Variants in NMT2 observed in about 807,000 individuals in gnomAD.
NMT2 encodes the protein N-myristoyltransferase 2, also known as glycylpeptide N-tetradecanoyltransferase 2.
Under a neutral mutation model 65.4 loss-of-function variants are expected in NMT2, and 35 were observed. That is an observed-to-expected ratio of 0.54 (90% CI 0.41 to 0.71). The LOEUF (loss-of-function observed/expected upper bound fraction) is 0.71. Ranked by LOEUF, NMT2 falls within the 30% of genes least tolerant of loss-of-function variation. The probability of loss-of-function intolerance (pLI) is 0.00; values close to 1 mark genes in which losing one functional copy is unlikely to be tolerated. For synonymous variants in NMT2, 226 were observed against 231.8 expected, an observed-to-expected ratio of 0.98 and a Z score of 0.23; for missense variants, 489 against 611.3, an observed-to-expected ratio of 0.80 and a Z score of 2.11.
intron 9 of NMT2, among the ~76,000 whole-genome samples, chr10:15,116,770 A>G (rs536756237): frequency 7.0e-6 from 1 of 143,730 alleles, no homozygotes; most frequent in African/African-American, 2.8e-5. Context: ...TAAAAGGATA[A>G]CAAGGGAATA....
chr10:15,133,963 T>G (rs931166714), intron 3 of NMT2, among the ~76,000 whole-genome samples: 3 of 152,166 alleles, frequency 2.0e-5, no homozygotes, highest in Non-Finnish European at 4.4e-5. Context: ...CAACAGTGAT[T>G]CCGAGTCTCA....
At chr10:15,159,030 T>C (rs1448695096) in intron 1 of NMT2, among the ~76,000 whole-genome samples, 3 of 152,224 alleles carry the variant, frequency 2.0e-5, no homozygotes, top group Non-Finnish European at 2.9e-5. Context: ...CATTGTTCAC[T>C]ATGTCCTTCC....
In NMT2 at chr10:15,157,141, G is replaced by A. The variant is rs560862985; in HGVS notation, c.110+11362C>T. ...TCTCTGGGAAGGTACTATATGAGCT[G>A]GAACACTGAGAGAACACAGCTACGG... On this transcript the variant is annotated intron_variant, in intron 1 of 11. Coordinates refer to ENST00000378165, the MANE Select transcript of NMT2 (RefSeq NM_004808.3). Among the ~76,000 whole-genome samples the A allele has an allele frequency of 5.3e-5, 8 of 152,206 alleles. No individual in the cohort carries two copies. The East Asian group carries it at 1.4e-3, about 26-fold the overall frequency.
At chr10:15,123,531 G>GAAAAA (rs775699014) in intron 8 of NMT2, among the ~76,000 whole-genome samples, 3 of 52,540 alleles carry the variant, frequency 5.7e-5, no homozygotes, top group Non-Finnish European at 7.7e-5. Context: ...TCGTCTCACA[G>GAAAAA]AAAAAAAAAA....
chr10:15,105,921 G>T lies in NMT2; in HGVS notation c.*3274C>A, dbSNP rs1466234821. On this transcript the variant is annotated 3_prime_UTR_variant, in exon 12 of 12. Transcript: ENST00000378165. The stretch of plus-strand genomic sequence containing the variant: ...TAATTTGATAACAAATTATGTAAAT[G>T]ACTCTTTAAAGGAGCAGTGTAACTG... 1 of 274,114 alleles carries T rather than the reference G, an allele frequency of 3.6e-6. No homozygotes were observed. The highest frequency in any genetic ancestry group is 2.4e-5 in the African/African-American group (1 of 42,384). 17.0% of individuals were successfully genotyped at this position (274,114 alleles called of 1,614,324 possible).
At chr10:15,144,561 C>T (rs1381979513) in intron 1 of NMT2, among the ~76,000 whole-genome samples, 3 of 152,164 alleles carry the variant, frequency 2.0e-5, no homozygotes, top group African/African-American at 4.8e-5. Context: ...GAAACTGCGT[C>T]TCTACTAAAA....
chr10:15,162,797 T>A (rs1588464447), intron 1 of NMT2, among the ~76,000 whole-genome samples: 1 of 148,384 alleles, frequency 6.7e-6, no homozygotes, highest in South Asian at 2.1e-4. Context: ...TATATCTCTA[T>A]GTATTTGATA....
chr10:15,129,907 C>CA (rs753710829), intron 7 of NMT2, among the ~76,000 whole-genome samples: 10,288 of 56,990 alleles, frequency 0.18, 1,335 homozygotes, highest in African/African-American at 0.35. Context: ...GAGTCTGCCT[C>CA]AAAAAAAAAA....
chr10:15,112,711 G>A, intron 10 of NMT2, 85 bp downstream of exon 10: 2 of 1,285,598 alleles, frequency 1.6e-6, no homozygotes, highest in Non-Finnish European at 2.1e-6. Context: ...CCACCTGTGT[G>A]GAAGAAAACA....
intron 7 of NMT2, among the ~76,000 whole-genome samples, chr10:15,129,335 G>T (rs1203527019): frequency 6.6e-6 from 1 of 152,146 alleles, no homozygotes; most frequent in Non-Finnish European, 1.5e-5. Context: ...TAAAAACAGT[G>T]GTGAGGGGTG....
chr10:15,105,957 G>T lies in NMT2; in HGVS notation c.*3238C>A, dbSNP rs1564551916. ...GGAGCAGTGTAACTGTCACCGTGAG[G>T]TAAGCTCATGACAAAGTTTCCAACT... On this transcript the variant is annotated 3_prime_UTR_variant, in exon 12 of 12. Transcript: ENST00000378165. The T allele has an allele frequency of 5.3e-6, 2 of 375,528 alleles. No individual in the cohort carries two copies. The highest frequency in any genetic ancestry group is 4.4e-5 in the African/African-American group (2 of 45,272). 23.3% of individuals were successfully genotyped at this position (375,528 alleles called of 1,614,324 possible).
intron 2 of NMT2, 80 bp from the exon 3 acceptor site, chr10:15,135,498 T>A: frequency 7.1e-7 from 1 of 1,417,648 alleles, no homozygotes; most frequent in Non-Finnish European, 9.8e-7. Flanking sequence ...TGCATCTGCC[T>A]CAGAGACTAC....
In NMT2 at chr10:15,108,155, A is replaced by G; in HGVS notation, c.*1040T>C. Reference sequence around the variant, plus strand: ...GAAACTGAACTTTGCACAACAGCAGAAAAGTCTAGTTAGTCGCGGGTACAG... The same window carrying G: ...GAAACTGAACTTTGCACAACAGCAGGAAAGTCTAGTTAGTCGCGGGTACAG... On this transcript the variant is annotated 3_prime_UTR_variant, in exon 12 of 12. Transcript: ENST00000378165. The G allele has an allele frequency of 2.0e-6, 2 of 984,532 alleles. No individual in the cohort carries two copies. The highest frequency in any genetic ancestry group is 2.4e-6 in the Non-Finnish European group (2 of 829,804). 61.0% of individuals were successfully genotyped at this position (984,532 alleles called of 1,614,324 possible).
chr10:15,149,169 C>T lies in NMT2; in HGVS notation c.111-7612G>A, dbSNP rs371695453. ...TGATCGCCATCACCACCATCACTGCCGCCATCACCACCACCACTGCCACCA... is the reference window on the plus strand; with the variant it reads ...TGATCGCCATCACCACCATCACTGCTGCCATCACCACCACCACTGCCACCA... On this transcript the variant is annotated intron_variant, in intron 1 of 11. Coordinates refer to ENST00000378165, the MANE Select transcript of NMT2 (RefSeq NM_004808.3). 8.6e-5 allele frequency among the ~76,000 whole-genome samples: 13 copies of T among 151,162 alleles called. 1 individual carries two copies. Among genetic ancestry groups the T allele is most frequent in the Admixed American group, 4.6e-4 (7 of 15,172 alleles).
In NMT2 at chr10:15,141,615, T is replaced by C. The variant is rs1846768042; in HGVS notation, c.111-58A>G. ...AACAAACAAAAATCATTAAATGAAA[T>C]TGAATTGCATACAATTAATCATTTC... On this transcript the variant is annotated intron_variant, in intron 1 of 11. Coordinates refer to ENST00000378165, the MANE Select transcript of NMT2 (RefSeq NM_004808.3). 47 of 1,534,930 alleles carry C rather than the reference T, an allele frequency of 3.1e-5. 1 individual carries two copies. In the South Asian group the frequency reaches 3.5e-4, roughly 11 times the overall value.
chr10:15,154,379 G>T (rs377250673), intron 1 of NMT2, among the ~76,000 whole-genome samples: 1 of 152,172 alleles, frequency 6.6e-6, no homozygotes, highest in African/African-American at 2.4e-5. Context: ...TCAGGTGCAG[G>T]CTGTGTGGTG....
intron 1 of NMT2, among the ~76,000 whole-genome samples, chr10:15,153,981 C>T (rs566108302): frequency 2.0e-5 from 3 of 152,164 alleles, no homozygotes; most frequent in Non-Finnish European, 4.4e-5. Flanking sequence ...AGTTAGTATA[C>T]AGGTTGAGCT....
At position 15,108,463 on chromosome 10, in the gene NMT2, G is replaced by C. The variant is rs558008875; in HGVS notation, c.*732C>G. 54 of 978,760 alleles carry C rather than the reference G, an allele frequency of 5.5e-5. No individual in the cohort carries two copies. Among genetic ancestry groups the C allele is most frequent in the Non-Finnish European group, 6.4e-5 (53 of 823,844 alleles). 60.6% of individuals were successfully genotyped at this position (978,760 alleles called of 1,614,324 possible). The stretch of plus-strand genomic sequence containing the variant: ...GCCTCCCAAAGTGCTGGGATTACAG[G>C]CGTGAGCCACCACGCCCGGCCTCAG... On this transcript the variant is annotated 3_prime_UTR_variant, in exon 12 of 12. Coordinates refer to ENST00000378165, the MANE Select transcript of NMT2 (RefSeq NM_004808.3).
intron 8 of NMT2, among the ~76,000 whole-genome samples, chr10:15,126,351 C>A (rs1485712747): frequency 6.6e-5 from 10 of 151,258 alleles, no homozygotes; most frequent in Non-Finnish European, 1.3e-4. Flanking sequence ...ATTGCTTGAA[C>A]TCAGGAGGCG....
Sources: gnomAD v4.1 joint callset for allele counts (sites outside exome capture counted in the v4.1 genomes callset) on GRCh38, gnomAD v4.1.1 for gene constraint, MANE v1.5 for transcripts, NCBI Gene and HGNC (gene_info 2026-07-23, HGNC 2026-07-21) for gene names.